Variants in AMN observed in about 807,000 individuals in gnomAD.
The protein encoded by AMN is protein amnionless.
AMN carries 40 observed loss-of-function variants against 49.1 expected under a neutral mutation model. That is an observed-to-expected ratio of 0.81 (90% CI 0.63 to 1.06). The LOEUF (loss-of-function observed/expected upper bound fraction) is 1.06, where lower values mean the gene tolerates loss of function less well. Ranked by LOEUF, AMN falls within the 50% of genes least tolerant of loss-of-function variation. AMN has a pLI of 0.00. For synonymous variants in AMN, 380 were observed against 313.3 expected, an observed-to-expected ratio of 1.21 and a Z score of -2.25; for missense variants, 701 against 662.8, an observed-to-expected ratio of 1.06 and a Z score of -0.63.
rs1298045759 is a variant in AMN at position 102,930,322 on chromosome 14, G to T, written c.1164G>T (p.Arg388Ser). Residue 388 changes from arginine (R) to serine (S), a missense_variant, in exon 10 of 12, where the codon AGG (arginine) becomes AGT (serine). Transcript: ENST00000299155. ...CGCCGCTGCTGCGCCGCGCGGGGAG[G>T]CTCAGGTACGCGGGGCGGGGGCGCG... ...VAPPLLRRAG[R>S]LRWRRHEAAA... The T allele has an allele frequency of 5.0e-6, 7 of 1,390,310 alleles. No individual in the cohort carries two copies. The highest frequency in any genetic ancestry group is 6.5e-6 in the Non-Finnish European group (7 of 1,080,354). 86.1% of individuals were successfully genotyped at this position (1,390,310 alleles called of 1,614,324 possible). A position where few individuals can be genotyped will look rare whatever the true frequency, so the allele number is the denominator to read the frequency against.
chr14:102,930,248 G>A lies in AMN; in HGVS notation c.1090G>A (p.Gly364Ser). The A allele has an allele frequency of 2.2e-6, 3 of 1,379,810 alleles. No individual in the cohort carries two copies. The highest frequency in any genetic ancestry group is 1.9e-6 in the Non-Finnish European group (2 of 1,069,228). 85.5% of individuals were successfully genotyped at this position (1,379,810 alleles called of 1,614,324 possible). Residue 364 changes from glycine to serine, a missense_variant, in exon 10 of 12, where the codon GGC (glycine) becomes AGC (serine). Coordinates refer to ENST00000299155, the MANE Select transcript of AMN (RefSeq NM_030943.4). ...CAGCTCCGCGGCTGGGCTGGCGGGCGGCGTGGCGGCTGCCGTGCTGCTGGC... is the reference window on the plus strand; with the variant it reads ...CAGCTCCGCGGCTGGGCTGGCGGGCAGCGTGGCGGCTGCCGTGCTGCTGGC... ...WGSSAAGLAGGVAAAVLLALL... is the reference protein window; with the variant it reads ...WGSSAAGLAGSVAAAVLLALL...
intron 1 of AMN, chr14:102,923,288 A>C: frequency 3.4e-6 from 1 of 293,558 alleles, no homozygotes; most frequent in Non-Finnish European, 6.6e-6. Context: ...GCTCTGTCGC[A>C]GCTCTTCCCG....
Position 102,928,752 on chromosome 14 carries a change from G to A in AMN, c.296-6G>A, listed in dbSNP as rs753053730. The A allele has an allele frequency of 1.9e-6, 3 of 1,605,948 alleles. No individual in the cohort carries two copies. The highest frequency in any genetic ancestry group is 2.5e-6 in the Non-Finnish European group (3 of 1,178,930). Reference sequence around the variant, plus strand: ...CCGTGGAGCTCAGGGATGTGCTCCGGCTCAGGCGAACCTGCCGTCTTCCGC... The same window carrying A: ...CCGTGGAGCTCAGGGATGTGCTCCGACTCAGGCGAACCTGCCGTCTTCCGC... On this transcript the variant is annotated splice_polypyrimidine_tract_variant and splice_region_variant and intron_variant, in intron 4 of 11. Transcript: ENST00000299155.
intron 1 of AMN, chr14:102,922,995 C>T: frequency 2.0e-6 from 1 of 505,578 alleles, no homozygotes; most frequent in East Asian, 3.6e-5. Context: ...CCGGCGGCTC[C>T]TGCCCTCGCG....
Position 102,928,410 on chromosome 14 carries a change from C to G in AMN, c.208-16C>G. 1 of 1,583,154 alleles carries G rather than the reference C, an allele frequency of 6.3e-7. No individual in the cohort carries two copies. Among genetic ancestry groups the G allele is most frequent in the African/African-American group, 1.3e-5 (1 of 74,096 alleles). On this transcript the variant is annotated splice_polypyrimidine_tract_variant and intron_variant, in intron 3 of 11. Coordinates refer to ENST00000299155, the MANE Select transcript of AMN (RefSeq NM_030943.4). ...GGACCCCCGCGTGGCGCCGCCTCAG[C>G]CCGTGTCTCTTGCAGCTCCTGCCGC...
Position 102,928,806 on chromosome 14 carries a change from CGCACCTGTGGCGCTCTGGGGACGAG to C in AMN, c.352_376del (p.Trp118AlafsTer73). On this transcript the variant is annotated frameshift_variant, in exon 5 of 12. Coordinates refer to ENST00000299155, the MANE Select transcript of AMN (RefSeq NM_030943.4). LOFTEE classifies it high-confidence loss of function. The stretch of plus-strand genomic sequence containing the variant: ...TCTGACCGCTTCTCCTGGCATGACC[CGCACCTGTGGCGCTCTGGGGACGAG>C]GCACCTGGCCTCTTCTTCGTGGACG... 1.2e-6 allele frequency: 2 copies of C among 1,608,218 alleles called. No individual in the cohort carries two copies. Among genetic ancestry groups the C allele is most frequent in the Non-Finnish European group, 1.7e-6 (2 of 1,179,864 alleles).
At chr14:102,927,626 G>A (rs1045064863) in intron 3 of AMN, among the ~76,000 whole-genome samples, 1 of 152,208 alleles carries the variant, frequency 6.6e-6, no homozygotes, top group Non-Finnish European at 1.5e-5. Flanking sequence ...GTCCTGCCTC[G>A]GGTGGGCGCG....
chr14:102,923,702 C>G lies in AMN; in HGVS notation c.44-9C>G, dbSNP rs1425023382. 15 of 1,610,132 alleles carry G rather than the reference C, an allele frequency of 9.3e-6. No individual in the cohort carries two copies. The highest frequency in any genetic ancestry group is 1.3e-5 in the Non-Finnish European group (15 of 1,177,610). Reference sequence around the variant, plus strand: ...GAGCATCCCGGGCACTCAGTCGCCTCCTCCCCAGCACTGACCCAGGCGGTC... The same window carrying G: ...GAGCATCCCGGGCACTCAGTCGCCTGCTCCCCAGCACTGACCCAGGCGGTC... On this transcript the variant is annotated splice_polypyrimidine_tract_variant and intron_variant, in intron 1 of 11. Transcript: ENST00000299155.
intron 3 of AMN, among the ~76,000 whole-genome samples, chr14:102,924,756 T>G (rs1334646730): frequency 6.6e-6 from 1 of 152,178 alleles, no homozygotes; most frequent in African/African-American, 2.4e-5. Context: ...GCCTGCACTT[T>G]CCTGGAGCTT....
intron 3 of AMN, among the ~76,000 whole-genome samples, chr14:102,925,839 C>G (rs530488822): frequency 6.6e-6 from 1 of 152,332 alleles, no homozygotes; most frequent in African/African-American, 2.4e-5. Flanking sequence ...CCCAAGCACC[C>G]CCATCCCCTG....
chr14:102,930,659 C>A lies in AMN; in HGVS notation c.1341C>A (p.Ala447=). The part of the protein sequence containing the change: ...SHSYFVNPLF[A]GAEAEA ...GTTACTTCGTCAACCCTCTGTTCGC[C>A]GGGGCCGAGGCCGAGGCCTGAGCGG... Residue 447 remains alanine, a synonymous_variant, in exon 12 of 12, where the codon GCC becomes GCA. Transcript: ENST00000299155. 6.5e-7 allele frequency: 1 copy of A among 1,529,406 alleles called. No individual in the cohort carries two copies. The highest frequency in any genetic ancestry group is 8.9e-7 in the Non-Finnish European group (1 of 1,129,120). 94.7% of individuals were successfully genotyped at this position (1,529,406 alleles called of 1,614,324 possible). A position where few individuals can be genotyped will look rare whatever the true frequency, so the allele number is the denominator to read the frequency against.
Position 102,930,786 on chromosome 14 carries a change from C to T in AMN, c.*106C>T, listed in dbSNP as rs1239675610. 3 of 1,279,444 alleles carry T rather than the reference C, an allele frequency of 2.3e-6. No homozygotes were observed. The highest frequency in any genetic ancestry group is 2.5e-5 in the East Asian group (1 of 39,466). The allele number at this position is 1,279,444 out of a possible 1,614,324, so 79.3% of individuals were successfully genotyped here. On this transcript the variant is annotated 3_prime_UTR_variant, in exon 12 of 12. Transcript: ENST00000299155. The stretch of plus-strand genomic sequence containing the variant: ...AGCCCCCAAACCTCCCCTTCCTTTC[C>T]CCCTCCTCCGGGGGCCAAGGACAGG...
rs1566827596 is a variant in AMN at position 102,928,520 on chromosome 14, C to T, written c.295+7C>T. 6.2e-7 allele frequency: 1 copy of T among 1,602,988 alleles called. No individual in the cohort carries two copies. Among genetic ancestry groups the T allele is most frequent in the Non-Finnish European group, 8.5e-7 (1 of 1,177,518 alleles). ...CACCTGGACTGTGGCGCGGGTGAGGCGGTCGGGCAGGGGCGGGGCTCTGGA... is the reference window on the plus strand; with the variant it reads ...CACCTGGACTGTGGCGCGGGTGAGGTGGTCGGGCAGGGGCGGGGCTCTGGA... On this transcript the variant is annotated splice_region_variant and intron_variant, in intron 4 of 11. Coordinates refer to ENST00000299155, the MANE Select transcript of AMN (RefSeq NM_030943.4).
chr14:102,928,346 C>G (rs986282569), intron 3 of AMN, 80 bp from the exon 4 acceptor site: 1 of 1,342,258 alleles, frequency 7.5e-7, no homozygotes, highest in African/African-American at 1.4e-5. Context: ...GGCTTCTCGT[C>G]CCAGGGGACT....
chr14:102,928,419 C>T lies in AMN; in HGVS notation c.208-7C>T. ...CGTGGCGCCGCCTCAGCCCGTGTCT[C>T]TTGCAGCTCCTGCCGCTGGATGGGG... is the stretch of plus-strand genomic sequence containing the variant. On this transcript the variant is annotated splice_region_variant and splice_polypyrimidine_tract_variant and intron_variant, in intron 3 of 11. Coordinates refer to ENST00000299155, the MANE Select transcript of AMN (RefSeq NM_030943.4). 6.3e-7 allele frequency: 1 copy of T among 1,592,968 alleles called. No homozygotes were observed. Among genetic ancestry groups the T allele is most frequent in the Non-Finnish European group, 8.5e-7 (1 of 1,171,772 alleles).
chr14:102,923,880 G>T (rs199714929), intron 2 of AMN, 51 bp downstream of exon 2: 1 of 1,612,842 alleles, frequency 6.2e-7, no homozygotes, highest in South Asian at 1.1e-5. Context: ...CCCTGAGACC[G>T]TGTGGCCCCG....
At chr14:102,929,322 G>A (rs954827948) in intron 6 of AMN, 64 bp downstream of exon 6, 2 of 1,469,714 alleles carry the variant, frequency 1.4e-6, no homozygotes, top group East Asian at 2.6e-5. Flanking sequence ...CCGGGACAGG[G>A]CCGCTGCGCT....
chr14:102,929,104 G>C lies in AMN; in HGVS notation c.514-17G>C, dbSNP rs1183902540. ...TCTTCCTCGGGCTGGCTCCGGTGGG[G>C]ACCCGGCTGCCCGCAGACGTTCACG... On this transcript the variant is annotated splice_polypyrimidine_tract_variant and intron_variant, in intron 5 of 11. Coordinates refer to ENST00000299155, the MANE Select transcript of AMN (RefSeq NM_030943.4). 6.3e-7 allele frequency: 1 copy of C among 1,597,626 alleles called. No individual in the cohort carries two copies. The highest frequency in any genetic ancestry group is 1.7e-5 in the Admixed American group (1 of 60,002).
At chr14:102,929,031 C>A in intron 5 of AMN, 56 bp downstream of exon 5, 1 of 1,594,894 alleles carries the variant, frequency 6.3e-7, no homozygotes. Flanking sequence ...GGCCCGACCC[C>A]GCCCCTCCTG....
Sources: gnomAD v4.1 joint callset for allele counts (sites outside exome capture counted in the v4.1 genomes callset) on GRCh38, gnomAD v4.1.1 for gene constraint, MANE v1.5 for transcripts, NCBI Gene and HGNC (gene_info 2026-07-23, HGNC 2026-07-21) for gene names.